ANXA8: variants seen among roughly 807,000 people sequenced by gnomAD.
ANXA8 encodes VAC-beta.
In ANXA8, 9 loss-of-function variants were observed where a neutral mutation model predicts 26.8. That is an observed-to-expected ratio of 0.34 (90% confidence interval 0.20 to 0.59). The LOEUF is 0.59. ANXA8 is among the 20% of genes least tolerant of loss of function. The pLI, the probability that ANXA8 is intolerant of heterozygous loss-of-function variation, is 0.84. For synonymous variants in ANXA8, 39 were observed against 94.8 expected (o/e 0.41, Z 3.42); for missense variants, 83 against 238.5 (o/e 0.35, Z 4.29).
the ANXA8 span, among the ~76,000 whole-genome samples, chr10:47,682,436 A>G: frequency 7.1e-6 from 1 of 140,322 alleles, no homozygotes; most frequent in Non-Finnish European, 1.5e-5. Flanking sequence ...ATCAGAAGGC[A>G]TGTTCACCTT....
the ANXA8 span, among the ~76,000 whole-genome samples, chr10:47,735,044 TA>T: frequency 1.7e-4 from 24 of 144,144 alleles, no homozygotes; most frequent in Middle Eastern, 3.6e-3. Context: ...ATTATAAACT[TA>T]AAAAAAAAAC....
the ANXA8 span, among the ~76,000 whole-genome samples, chr10:47,709,171 T>C: frequency 6.9e-6 from 1 of 144,474 alleles, no homozygotes; most frequent in African/African-American, 2.7e-5. Flanking sequence ...CCTTCAAACA[T>C]ATACAAAAGT....
At chr10:47,721,173 A>G in the ANXA8 span, among the ~76,000 whole-genome samples, 2 of 141,568 alleles carry the variant, frequency 1.4e-5, 1 homozygote, top group Non-Finnish European at 3.1e-5. Context: ...AATGCATGGT[A>G]TGTAACAAAC....
chr10:47,616,210 G>A, the ANXA8 span, among the ~76,000 whole-genome samples: 3 of 71,310 alleles, frequency 4.2e-5, no homozygotes, highest in East Asian at 8.2e-4. Flanking sequence ...ATTGTAGCAG[G>A]AAGAATTAAA....
At chr10:47,561,016 T>A in the ANXA8 span, among the ~76,000 whole-genome samples, 1 of 151,430 alleles carries the variant, frequency 6.6e-6, no homozygotes, top group Non-Finnish European at 1.5e-5. Context: ...TTAATATTAT[T>A]TACAATTTTT....
At chr10:47,776,816 A>AG in the ANXA8 span, among the ~76,000 whole-genome samples, 1 of 151,858 alleles carries the variant, frequency 6.6e-6, no homozygotes, top group African/African-American at 2.4e-5. Flanking sequence ...TAAGCAAGAT[A>AG]GAAGTTTCTT....
chr10:47,690,870 G>A, the ANXA8 span: 1 of 1,611,618 alleles, frequency 6.2e-7, no homozygotes, highest in Admixed American at 1.7e-5. Context: ...AAGTGGCCCA[G>A]TCTGAAGCTC....
the ANXA8 span, among the ~76,000 whole-genome samples, chr10:47,767,654 C>T: frequency 4.6e-5 from 7 of 151,444 alleles, no homozygotes; most frequent in South Asian, 1.5e-3. Context: ...GCTGCTCAGC[C>T]TAGTTCATTT....
the ANXA8 span, among the ~76,000 whole-genome samples, chr10:47,940,352 G>A: frequency 6.8e-6 from 1 of 146,196 alleles, no homozygotes; most frequent in African/African-American, 2.7e-5. Context: ...GGAGCTTGAA[G>A]GTGAGCTAGC....
the ANXA8 span, among the ~76,000 whole-genome samples, chr10:47,738,519 A>C: frequency 6.6e-6 from 1 of 151,374 alleles, no homozygotes; most frequent in South Asian, 2.1e-4. Context: ...AGTATTCTTT[A>C]ATGTTCCTTA....
chr10:47,587,163 C>T, the ANXA8 span, among the ~76,000 whole-genome samples: 5 of 144,946 alleles, frequency 3.4e-5, no homozygotes, highest in African/African-American at 5.5e-5. Context: ...AAGATCATGC[C>T]ATTGCACTCC....
the ANXA8 span, among the ~76,000 whole-genome samples, chr10:47,771,397 G>GCA: frequency 1.4e-5 from 2 of 143,218 alleles, no homozygotes; most frequent in South Asian, 2.3e-4. Flanking sequence ...TCTTGGGTTT[G>GCA]CACACACACA....
chr10:47,744,319 C>T, the ANXA8 span, among the ~76,000 whole-genome samples: 1 of 148,948 alleles, frequency 6.7e-6, no homozygotes, highest in Non-Finnish European at 1.5e-5. Context: ...TAAATTCTAG[C>T]TCCATCACCT....
At chr10:47,705,253 AAATTTT>A in the ANXA8 span, among the ~76,000 whole-genome samples, 1 of 144,640 alleles carries the variant, frequency 6.9e-6, no homozygotes, top group South Asian at 2.3e-4. Context: ...GAAGTCAGTT[AAATTTT>A]AATTTTGAGA....
chr10:47,733,288 T>TTTCTTTC, the ANXA8 span, among the ~76,000 whole-genome samples: 1 of 84,246 alleles, frequency 1.2e-5, no homozygotes, highest in Admixed American at 1.2e-4. Context: ...TCTTTCTTTC[T>TTTCTTTC]TTCTTTCTTT....
chr10:47,603,240 A>G, the ANXA8 span, among the ~76,000 whole-genome samples: 1 of 148,168 alleles, frequency 6.7e-6, no homozygotes, highest in Non-Finnish European at 1.5e-5. Flanking sequence ...GACTGCTCTG[A>G]GAAAAATAAA....
the ANXA8 span, among the ~76,000 whole-genome samples, chr10:47,674,535 C>T: frequency 6.6e-6 from 1 of 151,532 alleles, no homozygotes; most frequent in Non-Finnish European, 1.5e-5. Flanking sequence ...TTGTGTATTT[C>T]TTTACTACAA....
At chr10:47,733,144 T>TC in the ANXA8 span, among the ~76,000 whole-genome samples, 170 of 35,700 alleles carry the variant, frequency 4.8e-3, no homozygotes, top group African/African-American at 0.019. Context: ...AACTCCCTAA[T>TC]CTTTCTTTCT....
At chr10:47,548,954 G>C in the ANXA8 span, among the ~76,000 whole-genome samples, 1 of 152,294 alleles carries the variant, frequency 6.6e-6, no homozygotes, top group African/African-American at 2.4e-5. Flanking sequence ...CACAGTGCCA[G>C]GAAGGATCCA....
Sources: gnomAD v4.1 joint callset for allele counts (sites outside exome capture counted in the v4.1 genomes callset) on GRCh38, gnomAD v4.1.1 for gene constraint, MANE v1.5 for transcripts, NCBI Gene and HGNC (gene_info 2026-07-23, HGNC 2026-07-21) for gene names.